Variants in ITGA11 observed in about 807,000 individuals in gnomAD.
The protein encoded by ITGA11 is integrin subunit alpha 11, also known as integrin alpha-11.
A neutral mutation model predicts 141.9 loss-of-function variants in ITGA11; 97 were observed. That is an observed-to-expected ratio of 0.68 (90% CI 0.58 to 0.81). ITGA11 has a LOEUF of 0.81. Ranked by LOEUF, ITGA11 falls within the 30% of genes least tolerant of loss-of-function variation. The pLI is 0.00. For synonymous variants in ITGA11, 658 were observed against 624.6 expected, an observed-to-expected ratio of 1.05 and a Z score of -0.80; for missense variants, 1,387 against 1,559.2, an observed-to-expected ratio of 0.89 and a Z score of 1.86.
At chr15:68,313,643 C>T in intron 23 of ITGA11, 136 bp downstream of exon 23, 1 of 664,294 alleles carries the variant, frequency 1.5e-6, no homozygotes, top group Non-Finnish European at 2.6e-6. Context: ...ACCAGGGACA[C>T]TCTTGGCTCC....
chr15:68,391,466 ATTT>A (rs1896120421), intron 2 of ITGA11, among the ~76,000 whole-genome samples: 2 of 152,214 alleles, frequency 1.3e-5, no homozygotes, highest in African/African-American at 4.8e-5. Flanking sequence ...AGGCACAGTG[ATTT>A]CTCCTTTCAG....
intron 11 of ITGA11, 121 bp downstream of exon 11, chr15:68,339,379 T>C: frequency 8.5e-7 from 1 of 1,180,802 alleles, no homozygotes; most frequent in Non-Finnish European, 1.2e-6. Context: ...AGTTGGGTGC[T>C]TGAATCAGCC....
intron 10 of ITGA11, among the ~76,000 whole-genome samples, chr15:68,344,586 C>G (rs953291962): frequency 6.6e-6 from 1 of 151,848 alleles, no homozygotes; most frequent in East Asian, 2.0e-4. Flanking sequence ...GGACTAGACT[C>G]GAAGACTCGG....
rs1892942931 is a variant in ITGA11 at position 68,297,842 on chromosome 15, A to T, written c.*5217T>A. On this transcript the variant is annotated 3_prime_UTR_variant, in exon 30 of 30. Transcript: ENST00000315757. ...CAGCCTCTATAGAGATCTGAAAAAA[A>T]CATTTAGTGCCACCCTCTCATTTTA... The T allele has an allele frequency of 6.6e-6, 1 of 152,184 alleles. No individual in the cohort carries two copies. Among genetic ancestry groups the T allele is most frequent in the East Asian group, 1.9e-4 (1 of 5,196 alleles). The allele number at this position is 152,184 out of a possible 1,614,324, so 9.4% of individuals were successfully genotyped here. A position where few individuals can be genotyped will look rare whatever the true frequency, so the allele number is the denominator to read the frequency against.
At chr15:68,409,301 A>T (rs1241020771) in intron 1 of ITGA11, among the ~76,000 whole-genome samples, 1 of 151,958 alleles carries the variant, frequency 6.6e-6, no homozygotes. Flanking sequence ...CTCTTAGGTT[A>T]TATGCTATTC....
rs765501789 is a variant in ITGA11, at chr15:68,403,029, C to T, written c.53G>A (p.Gly18Glu). 5.0e-6 allele frequency: 8 copies of T among 1,607,656 alleles called. No homozygotes were observed. The highest frequency in any genetic ancestry group is 2.2e-5 in the East Asian group (1 of 44,806). The change falls in exon 2 of 30, where the codon GGG becomes GAG. Residue 18 changes from glycine (G) to glutamate (E), a missense_variant and splice_region_variant. Coordinates refer to ENST00000315757, the MANE Select transcript of ITGA11 (RefSeq NM_001004439.2). ...VVAWALSLWPGFTDTFNMDTR... is the reference protein window; with the variant it reads ...VVAWALSLWPEFTDTFNMDTR... ...GTCCATGTTGAAGGTGTCCGTGAAC[C>T]CTGAGGCAGGGGGAGAGGAGAGGAG...
intron 7 of ITGA11, among the ~76,000 whole-genome samples, chr15:68,351,957 C>T (rs1232615027): frequency 6.6e-6 from 1 of 151,942 alleles, no homozygotes; most frequent in Admixed American, 6.5e-5. Context: ...TTGGCATGCG[C>T]CTGTAATCCC....
In ITGA11 at chr15:68,339,646, T is replaced by C. The variant is rs1894499381; in HGVS notation, c.1132-2A>G. On this transcript the variant is annotated splice_acceptor_variant, in intron 10 of 29. Transcript: ENST00000315757. LOFTEE classifies it high-confidence loss of function. ...GACGGCTCCCAGCAGAACCCCATCC[T>C]GGCATTGGGGAGGGGACACACATCA... 6.2e-7 allele frequency: 1 copy of C among 1,613,948 alleles called. No individual in the cohort carries two copies. The highest frequency in any genetic ancestry group is 8.5e-7 in the Non-Finnish European group (1 of 1,179,874).
Position 68,350,787 on chromosome 15 carries a change from C to T in ITGA11, c.895-5G>A, listed in dbSNP as rs1421807590. The T allele has an allele frequency of 6.2e-7, 1 of 1,609,836 alleles. No homozygotes were observed. The highest frequency in any genetic ancestry group is 8.5e-7 in the Non-Finnish European group (1 of 1,177,668). On this transcript the variant is annotated splice_polypyrimidine_tract_variant and splice_region_variant and intron_variant, in intron 8 of 29. Coordinates refer to ENST00000315757, the MANE Select transcript of ITGA11 (RefSeq NM_001004439.2). Reference sequence around the variant, plus strand: ...GCGGTTGTAGTAGCCCAGGACCTGCCAGGGAACAGGGGCAGGAACCACAAA... The same window carrying T: ...GCGGTTGTAGTAGCCCAGGACCTGCTAGGGAACAGGGGCAGGAACCACAAA...
intron 12 of ITGA11, among the ~76,000 whole-genome samples, chr15:68,335,000 TCA>T (rs1395403501): frequency 2.0e-5 from 3 of 152,020 alleles, no homozygotes; most frequent in Non-Finnish European, 4.4e-5. Flanking sequence ...GAGCGGATTC[TCA>T]CAGTGACCAG....
chr15:68,353,695 G>A (rs1307302199), intron 7 of ITGA11, among the ~76,000 whole-genome samples: 1 of 152,060 alleles, frequency 6.6e-6, no homozygotes, highest in Non-Finnish European at 1.5e-5. Context: ...TACATTCCTT[G>A]AGAGCAGCAA....
intron 2 of ITGA11, among the ~76,000 whole-genome samples, chr15:68,402,231 C>T (rs1017051971): frequency 5.9e-5 from 9 of 151,980 alleles, no homozygotes; most frequent in African/African-American, 2.2e-4. Context: ...CAGCTAAAAA[C>T]CAAGTGGGGA....
intron 3 of ITGA11, among the ~76,000 whole-genome samples, chr15:68,367,288 G>T (rs2140357791): frequency 6.6e-6 from 1 of 152,218 alleles, no homozygotes; most frequent in East Asian, 1.9e-4. Flanking sequence ...TGGACCAGGA[G>T]CTTCTCTTGG....
chr15:68,388,273 G>T (rs1182997054), intron 2 of ITGA11, among the ~76,000 whole-genome samples: 4 of 152,026 alleles, frequency 2.6e-5, no homozygotes, highest in Non-Finnish European at 4.4e-5. Flanking sequence ...TCTCAAGCAT[G>T]CTCCTACTTC....
chr15:68,337,051 G>A (rs535844794), intron 11 of ITGA11, among the ~76,000 whole-genome samples: 1 of 152,314 alleles, frequency 6.6e-6, no homozygotes, highest in East Asian at 1.9e-4. Context: ...TGGGTGGGTG[G>A]GCTTAGCCTT....
In ITGA11 at chr15:68,321,557, G is replaced by A. The variant is rs766539563; in HGVS notation, c.2323-54C>T. On this transcript the variant is annotated intron_variant, in intron 18 of 29. Transcript: ENST00000315757. This position sits in a 1 kb window ranked among gnomAD's most constrained non-coding sequence, Gnocchi z 4.9. Reference sequence around the variant, plus strand: ...GCTGGGTAGGGACCCGCAGCCCCTCGCCCTCAATGTACACCAGCTCTGTCT... The same window carrying A: ...GCTGGGTAGGGACCCGCAGCCCCTCACCCTCAATGTACACCAGCTCTGTCT... 9.0e-5 allele frequency: 108 copies of A among 1,195,604 alleles called. No homozygotes were observed. The highest frequency in any genetic ancestry group is 1.1e-4 in the Non-Finnish European group (95 of 840,380). 74.1% of individuals were successfully genotyped at this position (1,195,604 alleles called of 1,614,324 possible). A position where few individuals can be genotyped will look rare whatever the true frequency, so the allele number is the denominator to read the frequency against.
At chr15:68,361,877 G>A (rs1056762197) in intron 4 of ITGA11, 173 bp from the exon 5 acceptor site, 4 of 559,248 alleles carry the variant, frequency 7.2e-6, no homozygotes, top group African/African-American at 5.7e-5. Context: ...GCTGCAATGT[G>A]TACTAGTTCC....
At position 68,307,760 on chromosome 15, in the gene ITGA11, T is replaced by C; in HGVS notation, c.3175-64A>G. Reference sequence around the variant, plus strand: ...CTAGGGGAGCAGGGGGCAGCAACACTGCTTGAACGACTGGGGCTCTGCTCC... The same window carrying C: ...CTAGGGGAGCAGGGGGCAGCAACACCGCTTGAACGACTGGGGCTCTGCTCC... On this transcript the variant is annotated intron_variant, in intron 26 of 29. Coordinates refer to ENST00000315757, the MANE Select transcript of ITGA11 (RefSeq NM_001004439.2). The surrounding 1 kb of genome is among the most constrained non-coding windows in gnomAD (Gnocchi z 6.1). 1 of 1,107,946 alleles carries C rather than the reference T, an allele frequency of 9.0e-7. No individual in the cohort carries two copies. Among genetic ancestry groups the C allele is most frequent in the South Asian group, 1.3e-5 (1 of 75,922 alleles). 68.6% of individuals were successfully genotyped at this position (1,107,946 alleles called of 1,614,324 possible).
intron 1 of ITGA11, among the ~76,000 whole-genome samples, chr15:68,412,980 ACTTTAT>A (rs1401427591): frequency 6.6e-6 from 1 of 152,148 alleles, no homozygotes; most frequent in Non-Finnish European, 1.5e-5. Flanking sequence ...CCCAGCCAGG[ACTTTAT>A]CTTTAAGAAC....
Sources: gnomAD v4.1 joint callset for allele counts (sites outside exome capture counted in the v4.1 genomes callset) on GRCh38, gnomAD v4.1.1 for gene constraint, Gnocchi (gnomAD v3.1) non-coding constraint, MANE v1.5 for transcripts, NCBI Gene and HGNC (gene_info 2026-07-23, HGNC 2026-07-21) for gene names.